The following NIPSNAP2 variants were observed in gnomAD, a reference collection of about 807,000 sequenced individuals.
NIPSNAP2 encodes the protein nipsnap homolog 2.
A neutral mutation model predicts 48.4 loss-of-function variants in NIPSNAP2; 42 were observed. The ratio of observed to expected loss-of-function variants is 0.87; its 90% CI spans 0.68 to 1.12. The LOEUF is 1.12. NIPSNAP2 is among the 50% of genes most tolerant of loss of function. The probability of loss-of-function intolerance (pLI) is 0.00; values close to 1 mark genes in which losing one functional copy is unlikely to be tolerated. For missense variants in NIPSNAP2, 314 were observed against 347.3 expected, an observed-to-expected ratio of 0.90 and a Z score of 0.76; for synonymous variants, 158 against 126.6, an observed-to-expected ratio of 1.25 and a Z score of -1.67.
intron 7 of NIPSNAP2, chr7:55,991,839 G>A (rs761371433): frequency 3.7e-5 from 10 of 269,222 alleles, no homozygotes; most frequent in Non-Finnish European, 7.5e-5. Flanking sequence ...TAACTAAGAT[G>A]GTGACCACCT....
At chr7:55,988,836 G>A (rs1349787816) in intron 7 of NIPSNAP2, among the ~76,000 whole-genome samples, 3 of 152,008 alleles carry the variant, frequency 2.0e-5, no homozygotes, top group African/African-American at 7.3e-5. Flanking sequence ...CTGCACTCCA[G>A]CCTGGGTGAC....
chr7:55,993,534 G>A (rs894211949), intron 7 of NIPSNAP2, among the ~76,000 whole-genome samples: 2 of 148,906 alleles, frequency 1.3e-5, no homozygotes, highest in Non-Finnish European at 3.0e-5. Flanking sequence ...AGCCAAGATC[G>A]TACCATTGCA....
chr7:55,974,579 T>G (rs1787071974), intron 1 of NIPSNAP2, among the ~76,000 whole-genome samples: 1 of 152,068 alleles, frequency 6.6e-6, no homozygotes. Flanking sequence ...CTGGGCGCAG[T>G]GGCTCACGCC....
chr7:55,986,746 T>A (rs768386658), intron 7 of NIPSNAP2, among the ~76,000 whole-genome samples: 4 of 152,096 alleles, frequency 2.6e-5, no homozygotes, highest in Non-Finnish European at 5.9e-5. Context: ...ATAAAATATT[T>A]GCAAATCATA....
At position 55,978,075 on chromosome 7, in the gene NIPSNAP2, T is replaced by C. The variant is rs72661114; in HGVS notation, c.93-51T>C. 2.9e-3 allele frequency: 4,703 copies of C among 1,595,398 alleles called. 35 individuals carry two copies. The highest frequency in any genetic ancestry group is 0.02 in the Middle Eastern group (120 of 5,982). ...TCACTGTGTTTGCCAGATTAACTGA[T>C]GGATATATGAAAACAGTATACTGCG... is the stretch of plus-strand genomic sequence containing the variant. On this transcript the variant is annotated intron_variant, in intron 1 of 9. Coordinates refer to ENST00000322090, the MANE Select transcript of NIPSNAP2 (RefSeq NM_001483.3).
intron 7 of NIPSNAP2, among the ~76,000 whole-genome samples, chr7:55,986,629 T>C (rs991510559): frequency 6.6e-6 from 1 of 151,966 alleles, no homozygotes; most frequent in African/African-American, 2.4e-5. Context: ...CCCATTGCAC[T>C]ATAGCCTGGG....
At chr7:55,992,718 T>G (rs143699421) in intron 7 of NIPSNAP2, among the ~76,000 whole-genome samples, 1 of 152,314 alleles carries the variant, frequency 6.6e-6, no homozygotes, top group Non-Finnish European at 1.5e-5. Flanking sequence ...TTAGAGTGAA[T>G]CTGTCTTCCC....
chr7:55,981,421 T>C, intron 3 of NIPSNAP2, 52 bp from the exon 4 acceptor site: 1 of 1,350,010 alleles, frequency 7.4e-7, no homozygotes, highest in Non-Finnish European at 1.1e-6. Flanking sequence ...GCTGTCCACC[T>C]GGTCAAATTT....
At chr7:55,994,166 T>G (rs1010386900) in intron 7 of NIPSNAP2, among the ~76,000 whole-genome samples, 18 of 152,184 alleles carry the variant, frequency 1.2e-4, no homozygotes, top group African/African-American at 3.9e-4. Context: ...TTGGGTACAG[T>G]GCCCTGTGGC....
At chr7:55,993,667 G>A (rs947401272) in intron 7 of NIPSNAP2, among the ~76,000 whole-genome samples, 2 of 151,586 alleles carry the variant, frequency 1.3e-5, no homozygotes, top group Non-Finnish European at 2.9e-5. Context: ...TTGAACCCAG[G>A]AGATGGAGAT....
intron 1 of NIPSNAP2, among the ~76,000 whole-genome samples, chr7:55,972,073 A>G (rs1787024441): frequency 6.6e-6 from 1 of 152,130 alleles, no homozygotes; most frequent in South Asian, 2.1e-4. Flanking sequence ...TGGGAGGCCG[A>G]GGCAGGTGGA....
intron 9 of NIPSNAP2, among the ~76,000 whole-genome samples, chr7:55,998,546 G>C (rs1331706308): frequency 7.9e-6 from 1 of 126,762 alleles, no homozygotes; most frequent in Non-Finnish European, 1.6e-5. Flanking sequence ...CTGTCGCCAG[G>C]CTGGAGTGCA....
At position 55,997,439 on chromosome 7, in the gene NIPSNAP2, A is replaced by G. The variant is rs1787585200; in HGVS notation, c.786A>G (p.Val262=). Residue 262 remains valine, a synonymous_variant, in exon 9 of 10, where the codon GTA becomes GTG. Transcript: ENST00000322090. ...ACAAACATGGCTGGGAGGAATTGGTATATTACACAGGTAATCTCTTAACAG... is the reference window on the plus strand; with the variant it reads ...ACAAACATGGCTGGGAGGAATTGGTGTATTACACAGGTAATCTCTTAACAG... ...AWHKHGWEEL[V]YYTVPLIQEM... 4 of 1,611,316 alleles carry G rather than the reference A, an allele frequency of 2.5e-6. No individual in the cohort carries two copies. Among genetic ancestry groups the G allele is most frequent in the Admixed American group, 1.7e-5 (1 of 59,972 alleles).
chr7:55,999,247 C>T lies in NIPSNAP2; in HGVS notation c.*175C>T. 1 of 617,658 alleles carries T rather than the reference C, an allele frequency of 1.6e-6. No individual in the cohort carries two copies. The highest frequency in any genetic ancestry group is 2.9e-6 in the Non-Finnish European group (1 of 349,116). 38.3% of individuals were successfully genotyped at this position (617,658 alleles called of 1,614,324 possible). On this transcript the variant is annotated 3_prime_UTR_variant, in exon 10 of 10. Coordinates refer to ENST00000322090, the MANE Select transcript of NIPSNAP2 (RefSeq NM_001483.3). ...ATAATCACAAGAAAGGAAAGAATTA[C>T]AGTTGGACTGATTGTGACAGTGCCT...
At chr7:55,996,841 A>C (rs1434968934) in intron 8 of NIPSNAP2, among the ~76,000 whole-genome samples, 3 of 152,070 alleles carry the variant, frequency 2.0e-5, no homozygotes, top group Non-Finnish European at 4.4e-5. Flanking sequence ...CAGCTCGGGC[A>C]ACATAGTGAG....
intron 6 of NIPSNAP2, 22 bp downstream of exon 6, chr7:55,983,890 A>G (rs1787273259): frequency 1.2e-6 from 2 of 1,606,478 alleles, no homozygotes; most frequent in African/African-American, 2.7e-5. Flanking sequence ...AATATAAGTT[A>G]TTCCTTTTAC....
chr7:55,980,498 C>T (rs1787191265), intron 3 of NIPSNAP2: 1 of 152,184 alleles, frequency 6.6e-6, no homozygotes, highest in Non-Finnish European at 1.5e-5. Flanking sequence ...ATTTCTTGCC[C>T]TTGATCCCCT....
At chr7:55,993,078 C>T (rs1462189895) in intron 7 of NIPSNAP2, among the ~76,000 whole-genome samples, 1 of 151,922 alleles carries the variant, frequency 6.6e-6, no homozygotes, top group East Asian at 1.9e-4. Context: ...GTGGACAGAT[C>T]ACTTGAGGTC....
intron 7 of NIPSNAP2, among the ~76,000 whole-genome samples, chr7:55,990,543 T>C (rs936769660): frequency 6.6e-6 from 1 of 152,078 alleles, no homozygotes; most frequent in Non-Finnish European, 1.5e-5. Context: ...TTTTTTGTTT[T>C]TAGGGGGAGA....
Sources: allele counts gnomAD v4.1 joint callset (sites outside exome capture counted in the v4.1 genomes callset), GRCh38; gene constraint gnomAD v4.1.1; transcripts MANE v1.5; gene names NCBI Gene and HGNC (gene_info 2026-07-23, HGNC 2026-07-21).